Variants in CTNNA2 observed in about 807,000 individuals in gnomAD.
CTNNA2 encodes catenin alpha-2.
CTNNA2 carries 42 observed loss-of-function variants against 101.0 expected under a neutral mutation model. That is an observed-to-expected ratio of 0.42 (90% CI 0.32 to 0.54). The LOEUF is 0.54. CTNNA2 is among the 20% of genes least tolerant of loss of function. The pLI is 0.14. For missense variants in CTNNA2, 871 were observed against 1,223.1 expected (o/e 0.71, Z 4.29); for synonymous variants, 450 against 456.4 (o/e 0.99, Z 0.18).
Position 79,195,222 on chromosome 2 carries a change from G to A in CTNNA2, c.-523-2737G>A, listed in dbSNP as rs548223608. Among the ~76,000 whole-genome samples, 126 of 152,192 alleles carry A rather than the reference G, an allele frequency of 8.3e-4. 1 individual carries two copies. In the South Asian group the frequency reaches 0.024, roughly 30 times the overall value. ...AGTTGCTAAGCCTCTTTCACATCAT[G>A]GCAGCAATGAATCCTTAGTTAATTG... On this transcript the variant is annotated intron_variant, in intron 1 of 21. Coordinates refer to the CTNNA2 transcript ENST00000466387.
chr2:79,564,820 C>T (rs1573358134), intron 1 of CTNNA2, among the ~76,000 whole-genome samples: 1 of 152,202 alleles, frequency 6.6e-6, no homozygotes, highest in South Asian at 2.1e-4. Context: ...TCTTCTTTCG[C>T]TCTGGGATTC....
At chr2:80,153,262 T>A (rs1449159325) in intron 7 of CTNNA2, among the ~76,000 whole-genome samples, 1 of 152,150 alleles carries the variant, frequency 6.6e-6, no homozygotes, top group East Asian at 1.9e-4. Flanking sequence ...TACTGAAGGG[T>A]CTTTTCATCC....
intron 7 of CTNNA2, chr2:80,289,320 T>C (rs2149175059): frequency 6.6e-6 from 1 of 152,304 alleles, no homozygotes; most frequent in African/African-American, 2.4e-5. Context: ...CAGTTGCCAT[T>C]GACTAACAGA....
At chr2:80,495,264 T>A (rs1178368929) in intron 9 of CTNNA2, among the ~76,000 whole-genome samples, 1 of 152,210 alleles carries the variant, frequency 6.6e-6, no homozygotes, top group African/African-American at 2.4e-5. Context: ...TACAAACAAC[T>A]GTCCTTCCCC....
intron 2 of CTNNA2, among the ~76,000 whole-genome samples, chr2:79,267,468 T>G (rs1675001161): frequency 1.3e-5 from 2 of 152,126 alleles, no homozygotes; most frequent in South Asian, 4.1e-4. Context: ...TGAGGCCTCA[T>G]GACCTAATCA....
intron 4 of CTNNA2, among the ~76,000 whole-genome samples, chr2:79,390,040 T>G (rs1678155325): frequency 6.6e-6 from 1 of 152,178 alleles, no homozygotes; most frequent in Non-Finnish European, 1.5e-5. Flanking sequence ...CTCTTGGAAG[T>G]GCACCTGTTT....
intron 2 of CTNNA2, among the ~76,000 whole-genome samples, chr2:79,210,115 T>TGTGTGTGTGTGTGTGTG (rs1572979854): frequency 3.3e-5 from 5 of 151,788 alleles, no homozygotes; most frequent in South Asian, 2.1e-4. Context: ...TGTGTGTGTG[T>TGTGTGTGTGTGTGTGTG]TTAAGCAGAA....
rs146764813 is a variant in CTNNA2 at position 80,391,492 on chromosome 2, G to C, written c.1057-1719G>C. Among the ~76,000 whole-genome samples the C allele has an allele frequency of 5.3e-5, 8 of 152,328 alleles. No individual in the cohort carries two copies. The East Asian group carries it at 9.7e-4, about 18-fold the overall frequency. ...AACTCATAACTTTTAATGTTTGAAAGTAAGTTTTTTTATTCTAATAAATGA... is the reference window on the plus strand; with the variant it reads ...AACTCATAACTTTTAATGTTTGAAACTAAGTTTTTTTATTCTAATAAATGA... On this transcript the variant is annotated intron_variant, in intron 7 of 18. Coordinates refer to ENST00000402739, the MANE Select transcript of CTNNA2 (RefSeq NM_001282597.3).
chr2:79,882,944 G>A (rs1037706814), intron 6 of CTNNA2, among the ~76,000 whole-genome samples: 3 of 152,168 alleles, frequency 2.0e-5, no homozygotes, highest in Admixed American at 6.6e-5. Flanking sequence ...GGGGGTGGGG[G>A]CTCCCATGCC....
Position 79,893,990 on chromosome 2 carries a change from TTTCTTCTTCTTCTTCTTCTTCTTCTTC to T in CTNNA2, c.853-15555_853-15529del, listed in dbSNP as rs60336887. Among the ~76,000 whole-genome samples the T allele has an allele frequency of 6.6e-3, 755 of 114,902 alleles. 9 individuals are homozygous for T. The highest frequency in any genetic ancestry group is 8.7e-3 in the Non-Finnish European group (477 of 55,118). The allele number at this position is 114,902 out of a possible 152,430, so 75.4% of individuals were successfully genotyped here. A position where few individuals can be genotyped will look rare whatever the true frequency, so the allele number is the denominator to read the frequency against. ...TTTTATTCTGTCAAGCTTAGGCTGTTTTCTTCTTCTTCTTCTTCTTCTTCTTCTTCTTCTTCTTCTTCTTCTTCTTCT... is the reference window on the plus strand; with the variant it reads ...TTTTATTCTGTCAAGCTTAGGCTGTTTTCTTCTTCTTCTTCTTCTTCTTCT... On this transcript the variant is annotated intron_variant, in intron 6 of 18. Coordinates refer to ENST00000402739, the MANE Select transcript of CTNNA2 (RefSeq NM_001282597.3).
chr2:79,947,102 AC>A (rs1558664632), intron 7 of CTNNA2, among the ~76,000 whole-genome samples: 1 of 152,242 alleles, frequency 6.6e-6, no homozygotes, highest in African/African-American at 2.4e-5. Context: ...GCCTTGTTAC[AC>A]TTTAAATCCT....
chr2:80,631,711 T>C (rs1672313838), intron 18 of CTNNA2, among the ~76,000 whole-genome samples: 1 of 152,166 alleles, frequency 6.6e-6, no homozygotes, highest in Non-Finnish European at 1.5e-5. Flanking sequence ...TTATTTCATC[T>C]TTTATTTAAA....
At chr2:79,219,682 AG>A (rs1674317271) in intron 2 of CTNNA2, among the ~76,000 whole-genome samples, 2 of 152,202 alleles carry the variant, frequency 1.3e-5, no homozygotes, top group South Asian at 4.1e-4. Context: ...GGATCATAAA[AG>A]CTCAATTCGT....
chr2:79,220,606 C>T (rs1406251591), intron 2 of CTNNA2, among the ~76,000 whole-genome samples: 1 of 152,012 alleles, frequency 6.6e-6, no homozygotes, highest in Non-Finnish European at 1.5e-5. Flanking sequence ...TTAGAGTAAG[C>T]AGATGGGCAT....
chr2:79,617,198 A>G (rs1015952197), intron 1 of CTNNA2, among the ~76,000 whole-genome samples: 1 of 152,108 alleles, frequency 6.6e-6, no homozygotes, highest in Non-Finnish European at 1.5e-5. Flanking sequence ...CATCGCGTTC[A>G]GCCCTAATAT....
At position 80,188,985 on chromosome 2, in the gene CTNNA2, A is replaced by G. The variant is rs557413108; in HGVS notation, c.1057-204226A>G. Among the ~76,000 whole-genome samples, 8 of 111,146 alleles carry G rather than the reference A, an allele frequency of 7.2e-5. No homozygotes were observed. In the South Asian group the frequency reaches 1.1e-3, roughly 15 times the overall value. 72.9% of individuals were successfully genotyped at this position (111,146 alleles called of 152,430 possible). A position where few individuals can be genotyped will look rare whatever the true frequency, so the allele number is the denominator to read the frequency against. On this transcript the variant is annotated intron_variant, in intron 7 of 18. Transcript: ENST00000402739. ...TTTTTTTTTTTTGAGACAGAGCCTT[A>G]CTCTGTCACCAGACTGGAGTACAGT...
At chr2:79,333,163 C>T (rs941303395) in intron 3 of CTNNA2, among the ~76,000 whole-genome samples, 3 of 152,044 alleles carry the variant, frequency 2.0e-5, no homozygotes, top group African/African-American at 7.2e-5. Flanking sequence ...AAATGAAACT[C>T]CTATTAGAAA....
chr2:79,962,982 AACGGTGTGAACCCGGGAGGCGGAAC>A, intron 7 of CTNNA2, among the ~76,000 whole-genome samples: 1 of 150,374 alleles, frequency 6.7e-6, no homozygotes. Flanking sequence ...GAGGCAGGAG[AACGGTGTGAACCCGGGAGGCGGAAC>A]TTGCAGTGAG....
intron 2 of CTNNA2, among the ~76,000 whole-genome samples, chr2:79,252,453 T>C (rs907897100): frequency 1.4e-4 from 21 of 152,192 alleles, no homozygotes; most frequent in Admixed American, 1.4e-3. Flanking sequence ...TTTTAACTTT[T>C]AATATTAAAA....
Sources: allele counts gnomAD v4.1 joint callset (sites outside exome capture counted in the v4.1 genomes callset), GRCh38; gene constraint gnomAD v4.1.1; transcripts MANE v1.5; gene names NCBI Gene and HGNC (gene_info 2026-07-23, HGNC 2026-07-21).